Variants in KIAA1671 observed in about 807,000 individuals in gnomAD.
The protein encoded by KIAA1671 is uncharacterized protein KIAA1671.
In KIAA1671, 52 loss-of-function variants were observed where a neutral mutation model predicts 131.2. The ratio of observed to expected loss-of-function variants is 0.40; its 90% confidence interval spans 0.32 to 0.50. The LOEUF (loss-of-function observed/expected upper bound fraction) is 0.50, where lower values mean the gene tolerates loss of function less well. Ranked by LOEUF, KIAA1671 falls within the 20% of genes least tolerant of loss-of-function variation. The pLI, the probability that KIAA1671 is intolerant of heterozygous loss-of-function variation, is 0.73. For missense variants in KIAA1671, 2,360 were observed against 2,364.2 expected (o/e 1.00, Z 0.04); for synonymous variants, 1,003 against 961.6 (o/e 1.04, Z -0.80).
At chr22:25,035,193 G>A (rs1048334669) in intron 4 of KIAA1671, among the ~76,000 whole-genome samples, 2 of 151,694 alleles carry the variant, frequency 1.3e-5, no homozygotes, top group East Asian at 3.9e-4. Context: ...CTACAGGCAC[G>A]TGCCTCTATG....
intron 6 of KIAA1671, among the ~76,000 whole-genome samples, chr22:25,096,851 C>T (rs1930413724): frequency 6.6e-6 from 1 of 152,224 alleles, no homozygotes; most frequent in Non-Finnish European, 1.5e-5. Flanking sequence ...TGTAGACATG[C>T]ACGTGAACGG....
chr22:25,169,947 G>A, intron 6 of KIAA1671, among the ~76,000 whole-genome samples: 1 of 152,096 alleles, frequency 6.6e-6, no homozygotes, highest in Non-Finnish European at 1.5e-5. Context: ...GAGATGGAGT[G>A]TCTCTCTGTC....
chr22:25,141,006 C>T (rs1175244421), intron 6 of KIAA1671, among the ~76,000 whole-genome samples: 1 of 152,150 alleles, frequency 6.6e-6, no homozygotes, highest in Non-Finnish European at 1.5e-5. Flanking sequence ...CCTCACGTCT[C>T]AGAACCTCTG....
chr22:24,974,055 C>T lies in KIAA1671; in HGVS notation c.-208+21283C>T, dbSNP rs1210493833. ...GGACTTTCACCAGCTCTGGGAGGCC[C>T]TGTCACCTGGCAGGCCCTCAGCAAA... On this transcript the variant is annotated intron_variant, in intron 1 of 12. Coordinates refer to ENST00000358431, the MANE Select transcript of KIAA1671 (RefSeq NM_001145206.2). 3.9e-5 allele frequency among the ~76,000 whole-genome samples: 6 copies of T among 152,268 alleles called. No homozygotes were observed. The South Asian group carries it at 1.2e-3, about 32-fold the overall frequency.
At position 25,196,432 on chromosome 22, in the gene KIAA1671, C is replaced by CA. The variant is rs1934830121; in HGVS notation, c.*4031_*4032insA. On this transcript the variant is annotated 3_prime_UTR_variant, in exon 13 of 13. Coordinates refer to ENST00000358431, the MANE Select transcript of KIAA1671 (RefSeq NM_001145206.2). ...TATGCTGTTTTCTAAAGAATTTGAACTTTTTTTTTTTTCTTTTCTTGAGAC... is the reference window on the plus strand; with the variant it reads ...TATGCTGTTTTCTAAAGAATTTGAACATTTTTTTTTTTTCTTTTCTTGAGAC... 6.8e-6 allele frequency: 1 copy of CA among 147,088 alleles called. No individual in the cohort carries two copies. The highest frequency in any genetic ancestry group is 2.5e-5 in the African/African-American group (1 of 40,226). 9.1% of individuals were successfully genotyped at this position (147,088 alleles called of 1,614,324 possible).
intron 6 of KIAA1671, among the ~76,000 whole-genome samples, chr22:25,118,524 C>T (rs1482402976): frequency 6.6e-6 from 1 of 152,144 alleles, no homozygotes; most frequent in African/African-American, 2.4e-5. Flanking sequence ...CTTCTGGGCT[C>T]AAGGGATCCA....
chr22:24,959,780 C>G (rs1230413894), intron 1 of KIAA1671, among the ~76,000 whole-genome samples: 1 of 152,126 alleles, frequency 6.6e-6, no homozygotes, highest in Non-Finnish European at 1.5e-5. Flanking sequence ...GCTATCACAG[C>G]TACATTTGTT....
chr22:25,087,658 T>C (rs2145873572), intron 6 of KIAA1671, among the ~76,000 whole-genome samples: 1 of 152,336 alleles, frequency 6.6e-6, no homozygotes, highest in Non-Finnish European at 1.5e-5. Context: ...CAGAGCAGTG[T>C]CTCAGGTCGG....
intron 6 of KIAA1671, among the ~76,000 whole-genome samples, chr22:25,168,489 G>A (rs80264148): frequency 3.3e-5 from 5 of 152,220 alleles, no homozygotes; most frequent in Non-Finnish European, 7.3e-5. Context: ...CCAGGAGTTC[G>A]TGACCAGCCT....
intron 1 of KIAA1671, among the ~76,000 whole-genome samples, chr22:24,975,945 C>T (rs963630684): frequency 6.6e-6 from 1 of 152,200 alleles, no homozygotes; most frequent in Admixed American, 6.5e-5. Flanking sequence ...GGTTTCCCCG[C>T]ACCATCCACA....
intron 6 of KIAA1671, among the ~76,000 whole-genome samples, chr22:25,128,673 G>T (rs1932295257): frequency 6.6e-6 from 1 of 151,924 alleles, no homozygotes; most frequent in Admixed American, 6.6e-5. Context: ...TTCTGTGGGT[G>T]CCCCAGCCCC....
chr22:25,144,121 G>A (rs1932843496), intron 6 of KIAA1671, among the ~76,000 whole-genome samples: 1 of 152,196 alleles, frequency 6.6e-6, no homozygotes, highest in South Asian at 2.1e-4. Flanking sequence ...AAACACATGT[G>A]TTCTCACAGT....
At chr22:24,979,966 CTT>C (rs1007783470) in intron 1 of KIAA1671, among the ~76,000 whole-genome samples, 2 of 145,070 alleles carry the variant, frequency 1.4e-5, no homozygotes, top group African/African-American at 5.0e-5. Flanking sequence ...ATTCCCTTCT[CTT>C]TTTTTTTTTT....
intron 7 of KIAA1671, among the ~76,000 whole-genome samples, chr22:25,171,822 G>A (rs1933859285): frequency 6.6e-6 from 1 of 152,154 alleles, no homozygotes; most frequent in Non-Finnish European, 1.5e-5. Flanking sequence ...GAGGGAATGG[G>A]GAGTGGCTGC....
At chr22:24,960,130 C>CAAATAAATAAATAAATAAAT (rs56860953) in intron 1 of KIAA1671, among the ~76,000 whole-genome samples, 1 of 146,900 alleles carries the variant, frequency 6.8e-6, no homozygotes, top group African/African-American at 2.5e-5. Flanking sequence ...GACTCCGTCT[C>CAAATAAATAAATAAATAAAT]AAATAAATAA....
At chr22:25,060,650 T>G (rs1007809605) in intron 6 of KIAA1671, 1 of 152,194 alleles carries the variant, frequency 6.6e-6, no homozygotes, top group Non-Finnish European at 1.5e-5. Context: ...CAAAACGAAC[T>G]GACTTGGCCC....
intron 6 of KIAA1671, among the ~76,000 whole-genome samples, chr22:25,138,597 C>T (rs1374523371): frequency 1.3e-5 from 2 of 152,230 alleles, no homozygotes; most frequent in Admixed American, 6.5e-5. Flanking sequence ...CTGAGTTGAA[C>T]ATTCACCTAT....
rs1926781315 is a variant in KIAA1671, at chr22:25,039,229, C to T, written c.2099C>T (p.Pro700Leu). Residue 700 changes from proline (P) to leucine (L), a missense_variant, in exon 5 of 13, where the codon CCT (proline) becomes CTT (leucine). Coordinates refer to ENST00000358431, the MANE Select transcript of KIAA1671 (RefSeq NM_001145206.2). Reference protein sequence around the residue: ...LNGELRPYHTPLRDKYPLSEN... With the variant: ...LNGELRPYHTLLRDKYPLSEN... ...GGTGAACTGAGACCGTATCACACGCCTCTCCGGGACAAATACCCTTTGTCT... is the reference window on the plus strand; with the variant it reads ...GGTGAACTGAGACCGTATCACACGCTTCTCCGGGACAAATACCCTTTGTCT... 38 of 1,552,206 alleles carry T rather than the reference C, an allele frequency of 2.4e-5. No individual in the cohort carries two copies. The highest frequency in any genetic ancestry group is 8.7e-7 in the Non-Finnish European group (1 of 1,147,136).
intron 1 of KIAA1671, among the ~76,000 whole-genome samples, chr22:24,958,447 C>G (rs571826605): frequency 4.0e-5 from 6 of 151,842 alleles, no homozygotes; most frequent in Non-Finnish European, 8.8e-5. Flanking sequence ...GTCAGGAGTT[C>G]GAGAGCAGCC....
Sources: gnomAD v4.1 joint callset for allele counts (sites outside exome capture counted in the v4.1 genomes callset) on GRCh38, gnomAD v4.1.1 for gene constraint, MANE v1.5 for transcripts, NCBI Gene and HGNC (gene_info 2026-07-23, HGNC 2026-07-21) for gene names.